CDH12: variants seen among roughly 807,000 people sequenced by gnomAD.
CDH12 encodes the protein cadherin-12.
Under a neutral mutation model 74.1 loss-of-function variants are expected in CDH12, and 41 were observed. The ratio of observed to expected loss-of-function variants is 0.55; its 90% confidence interval spans 0.43 to 0.72. CDH12 has a LOEUF of 0.72. Among genes scored for constraint, CDH12 ranks in the 30% least tolerant of loss-of-function variants. The probability of loss-of-function intolerance (pLI) is 0.00; values close to 1 mark genes in which losing one functional copy is unlikely to be tolerated. For missense variants in CDH12, 945 were observed against 977.2 expected (o/e 0.97, Z 0.44); for synonymous variants, 399 against 355.0 (o/e 1.12, Z -1.39).
intron 10 of CDH12, among the ~76,000 whole-genome samples, chr5:21,785,626 C>T (rs552837055): frequency 1.3e-5 from 2 of 152,264 alleles, no homozygotes; most frequent in African/African-American, 2.4e-5. Context: ...TCACAACATT[C>T]CTTTAAGCCA....
chr5:22,803,927 T>C (rs1282258213), intron 1 of CDH12, among the ~76,000 whole-genome samples: 1 of 152,088 alleles, frequency 6.6e-6, no homozygotes, highest in Non-Finnish European at 1.5e-5. Flanking sequence ...GTTTATAAGA[T>C]GTAAATGATT....
At chr5:22,775,856 G>A (rs576957706) in intron 1 of CDH12, among the ~76,000 whole-genome samples, 7 of 152,080 alleles carry the variant, frequency 4.6e-5, no homozygotes, top group Non-Finnish European at 8.8e-5. Flanking sequence ...AGGGACCCAG[G>A]GGGGAGGTAA....
chr5:22,730,368 T>C (rs542473153), intron 1 of CDH12, among the ~76,000 whole-genome samples: 3 of 151,908 alleles, frequency 2.0e-5, no homozygotes, highest in South Asian at 4.1e-4. Context: ...TTTCATGAGC[T>C]ATATTTGTTT....
intron 1 of CDH12, among the ~76,000 whole-genome samples, chr5:22,538,103 T>C (rs1446195860): frequency 6.6e-6 from 1 of 152,184 alleles, no homozygotes; most frequent in Non-Finnish European, 1.5e-5. Flanking sequence ...GGGACTGATG[T>C]TGGAAGGCAT....
intron 1 of CDH12, among the ~76,000 whole-genome samples, chr5:22,653,141 AATC>A (rs1298293925): frequency 6.6e-6 from 1 of 152,066 alleles, no homozygotes; most frequent in Non-Finnish European, 1.5e-5. Flanking sequence ...GCATTGTCAT[AATC>A]ATCATCATTC....
At chr5:22,468,390 T>A (rs1430219481) in intron 2 of CDH12, among the ~76,000 whole-genome samples, 1 of 152,220 alleles carries the variant, frequency 6.6e-6, no homozygotes, top group Non-Finnish European at 1.5e-5. Context: ...ATGTGGCTTC[T>A]CTATTCTTTA....
intron 1 of CDH12, among the ~76,000 whole-genome samples, chr5:22,821,762 C>A (rs1367901248): frequency 6.6e-6 from 1 of 151,228 alleles, no homozygotes; most frequent in Non-Finnish European, 1.5e-5. Context: ...ACATTCCATG[C>A]TCATGGGTAG....
intron 1 of CDH12, among the ~76,000 whole-genome samples, chr5:22,786,939 C>T (rs1580999551): frequency 6.6e-6 from 1 of 151,902 alleles, no homozygotes; most frequent in African/African-American, 2.4e-5. Context: ...AGGCTGGTCT[C>T]GAACTCCTGA....
intron 3 of CDH12, among the ~76,000 whole-genome samples, chr5:22,382,987 C>A (rs552743145): frequency 6.6e-6 from 1 of 152,206 alleles, no homozygotes; most frequent in East Asian, 1.9e-4. Context: ...CGCGCCGCTA[C>A]GCCCAGCACA....
intron 1 of CDH12, among the ~76,000 whole-genome samples, chr5:22,702,727 T>TA (rs914897700): frequency 1.4e-4 from 22 of 151,748 alleles, no homozygotes; most frequent in South Asian, 8.3e-4. Flanking sequence ...ATAACAATAA[T>TA]AAAAAAAACC....
At chr5:22,640,241 T>C (rs543923725) in intron 1 of CDH12, among the ~76,000 whole-genome samples, 1 of 152,176 alleles carries the variant, frequency 6.6e-6, no homozygotes, top group Admixed American at 6.5e-5. Context: ...AGAGAGACGA[T>C]ATTACTTTTT....
chr5:21,847,254 T>C (rs1750224586), intron 7 of CDH12, among the ~76,000 whole-genome samples: 3 of 152,166 alleles, frequency 2.0e-5, no homozygotes. Flanking sequence ...GGGATGCTTA[T>C]TTGTAGTTCT....
chr5:22,729,187 A>T (rs1744309348), intron 1 of CDH12, among the ~76,000 whole-genome samples: 1 of 151,804 alleles, frequency 6.6e-6, no homozygotes, highest in Admixed American at 6.6e-5. Flanking sequence ...GATTTTTCTC[A>T]GGGTCTCATA....
chr5:21,927,523 G>A (rs576684892), intron 6 of CDH12, among the ~76,000 whole-genome samples: 99 of 152,140 alleles, frequency 6.5e-4, no homozygotes, highest in African/African-American at 2.1e-3. Context: ...CCCGGGAGGC[G>A]GAAGTTGCAG....
chr5:22,509,822 A>T (rs1317099369), intron 1 of CDH12, among the ~76,000 whole-genome samples: 14 of 152,146 alleles, frequency 9.2e-5, no homozygotes, highest in Admixed American at 9.2e-4. Flanking sequence ...AGCAGAGGGC[A>T]AGCTTGAGCC....
At chr5:22,383,719 A>G (rs977368013) in intron 3 of CDH12, among the ~76,000 whole-genome samples, 2 of 152,216 alleles carry the variant, frequency 1.3e-5, no homozygotes, top group Non-Finnish European at 2.9e-5. Flanking sequence ...AATCAACCAA[A>G]CAAAACATAA....
intron 1 of CDH12, among the ~76,000 whole-genome samples, chr5:22,697,180 T>C (rs546658329): frequency 6.6e-6 from 1 of 152,208 alleles, no homozygotes; most frequent in South Asian, 2.1e-4. Context: ...CAGATGATAT[T>C]AAATTATAGA....
chr5:22,504,531 T>C (rs893513368), intron 2 of CDH12, among the ~76,000 whole-genome samples: 11 of 152,084 alleles, frequency 7.2e-5, no homozygotes, highest in Non-Finnish European at 1.3e-4. Flanking sequence ...ATGGTTAATC[T>C]TAACTGATCT....
At chr5:21,996,660 T>G (rs545955951) in intron 5 of CDH12, among the ~76,000 whole-genome samples, 1 of 152,310 alleles carries the variant, frequency 6.6e-6, no homozygotes, top group African/African-American at 2.4e-5. Flanking sequence ...GGCCTTTTAA[T>G]GTTTCATAAA....
Sources: gnomAD v4.1 joint callset for allele counts (sites outside exome capture counted in the v4.1 genomes callset) on GRCh38, gnomAD v4.1.1 for gene constraint, MANE v1.5 for transcripts, NCBI Gene and HGNC (gene_info 2026-07-23, HGNC 2026-07-21) for gene names.